The following CSMD1 variants were observed in gnomAD, a reference collection of about 807,000 sequenced individuals.
CSMD1 encodes the protein CUB and sushi domain-containing protein 1.
Under a neutral mutation model 417.5 loss-of-function variants are expected in CSMD1, and 213 were observed. The ratio of observed to expected loss-of-function variants is 0.51; its 90% CI spans 0.46 to 0.57. CSMD1 has a LOEUF of 0.57. Ranked by LOEUF, CSMD1 falls within the 20% of genes least tolerant of loss-of-function variation. The pLI is 0.00. For synonymous variants in CSMD1, 2,862 were observed against 1,736.8 expected (o/e 1.65, Z -16.11); for missense variants, 6,923 against 4,529.7 (o/e 1.53, Z -15.17).
chr8:3,997,786 A>AG, intron 5 of CSMD1, 117 bp downstream of exon 5: 1 of 877,928 alleles, frequency 1.1e-6, no homozygotes, highest in Non-Finnish European at 1.7e-6. Context: ...AGGCGAAAAA[A>AG]GGAACACACA....
intron 25 of CSMD1, among the ~76,000 whole-genome samples, chr8:3,299,972 C>G (rs759446429): frequency 6.6e-5 from 10 of 152,024 alleles, no homozygotes; most frequent in African/African-American, 2.2e-4. Flanking sequence ...AAATGCAGCT[C>G]TAGAAATTCA....
chr8:3,636,058 A>C (rs1177016186), intron 7 of CSMD1, among the ~76,000 whole-genome samples: 1 of 144,400 alleles, frequency 6.9e-6, no homozygotes, highest in South Asian at 2.3e-4. Context: ...TTACTCTATA[A>C]GCTTTTTCTA....
chr8:3,160,747 A>G (rs1375943329), intron 38 of CSMD1, among the ~76,000 whole-genome samples: 2 of 152,238 alleles, frequency 1.3e-5, no homozygotes, highest in Admixed American at 6.5e-5. Flanking sequence ...TATTTCACAG[A>G]TATTTTCTCT....
At chr8:3,935,506 G>A (rs1810429309) in intron 5 of CSMD1, among the ~76,000 whole-genome samples, 3 of 152,046 alleles carry the variant, frequency 2.0e-5, no homozygotes, top group South Asian at 2.1e-4. Flanking sequence ...CTCGTTTTTG[G>A]TGTCTGTGCC....
chr8:4,297,907 A>C (rs549448835), intron 3 of CSMD1, among the ~76,000 whole-genome samples: 19 of 152,350 alleles, frequency 1.2e-4, no homozygotes, highest in Admixed American at 3.3e-4. Flanking sequence ...AAAAGTATAT[A>C]ATCAGAAAGG....
chr8:4,752,223 T>C (rs1811377062), intron 1 of CSMD1, among the ~76,000 whole-genome samples: 1 of 152,192 alleles, frequency 6.6e-6, no homozygotes. Context: ...TATCATATCT[T>C]AATTTTTTTG....
In CSMD1 at chr8:2,955,696, T is replaced by A. The variant is rs1802951111; in HGVS notation, c.9887A>T (p.Tyr3296Phe). 2 of 1,613,846 alleles carry A rather than the reference T, an allele frequency of 1.2e-6. No homozygotes were observed. ...TGGATGGCAGGTGTACACTAAGGTG[T>A]AGCCGAAAGTAGGAAGATCGATGGC... The part of the protein sequence containing the change: ...VRAIDLPTFG[Y>F]TLVYTCHPGF... The change falls in exon 64 of 70, where the codon TAC becomes TTC. Residue 3296 changes from tyrosine (Y) to phenylalanine (F), a missense_variant. Tyr to Phe is a conservative substitution (Grantham distance 22). Transcript: ENST00000635120.
intron 1 of CSMD1, among the ~76,000 whole-genome samples, chr8:4,691,178 C>T (rs559699718): frequency 3.3e-5 from 5 of 152,302 alleles, no homozygotes; most frequent in East Asian, 1.9e-4. Context: ...AAGAATGTTA[C>T]CCAAAGAAAC....
chr8:3,230,617 A>C (rs770920992), intron 26 of CSMD1, among the ~76,000 whole-genome samples: 3 of 152,210 alleles, frequency 2.0e-5, no homozygotes, highest in Non-Finnish European at 2.9e-5. Context: ...ACCAACCTCA[A>C]GGAAAACAAA....
intron 5 of CSMD1, among the ~76,000 whole-genome samples, chr8:3,967,130 G>C (rs76563571): frequency 1.4e-4 from 21 of 151,628 alleles, no homozygotes; most frequent in Middle Eastern, 3.4e-3. Flanking sequence ...GACTAATTTT[G>C]TCTATTTGCA....
chr8:3,990,781 G>A (rs1814682424), intron 5 of CSMD1, among the ~76,000 whole-genome samples: 1 of 152,080 alleles, frequency 6.6e-6, no homozygotes, highest in Admixed American at 6.6e-5. Context: ...TCCCTTTCAT[G>A]AGGAAGGAGA....
chr8:3,099,630 T>A (rs1815587862), intron 46 of CSMD1, among the ~76,000 whole-genome samples: 2 of 152,208 alleles, frequency 1.3e-5, no homozygotes, highest in Admixed American at 1.3e-4. Flanking sequence ...CTTCAGGCCA[T>A]CTGGAAGTAA....
At chr8:4,780,675 G>A (rs1316141972) in intron 1 of CSMD1, among the ~76,000 whole-genome samples, 1 of 152,024 alleles carries the variant, frequency 6.6e-6, no homozygotes, top group East Asian at 1.9e-4. Flanking sequence ...TCACCCGAGT[G>A]GTATACACTG....
In CSMD1 at chr8:4,530,305, C is replaced by T. The variant is rs183351122; in HGVS notation, c.302+107037G>A. Among the ~76,000 whole-genome samples the T allele has an allele frequency of 1.8e-3, 174 of 95,332 alleles. 1 individual carries two copies. Among genetic ancestry groups the T allele is most frequent in the African/African-American group, 5.7e-3 (168 of 29,526 alleles). 62.5% of individuals were successfully genotyped at this position (95,332 alleles called of 152,430 possible). ...CAAATATTGTTCACAGTTTATCGTACAGGTAGTGCTTTTTTTTTTTTTTTT... is the reference window on the plus strand; with the variant it reads ...CAAATATTGTTCACAGTTTATCGTATAGGTAGTGCTTTTTTTTTTTTTTTT... On this transcript the variant is annotated intron_variant, in intron 2 of 69. Coordinates refer to ENST00000635120, the MANE Select transcript of CSMD1 (RefSeq NM_033225.6).
rs578041381 is a variant in CSMD1, at chr8:2,988,650, A to G, written c.8377+9361T>C. Among the ~76,000 whole-genome samples, 9 of 152,326 alleles carry G rather than the reference A, an allele frequency of 5.9e-5. No homozygotes were observed. In the East Asian group the frequency reaches 1.5e-3, roughly 26 times the overall value. On this transcript the variant is annotated intron_variant, in intron 54 of 69. Transcript: ENST00000635120. ...TTCTTATGACATCTTCAACTGTATA[A>G]ATTATTTCATCCAGAAAGATACTAC...
intron 26 of CSMD1, among the ~76,000 whole-genome samples, chr8:3,241,078 AGAG>A (rs1563175730): frequency 6.6e-6 from 1 of 150,762 alleles, no homozygotes; most frequent in African/African-American, 2.4e-5. Flanking sequence ...AGGGGATACA[AGAG>A]GAGGACGCAA....
intron 5 of CSMD1, among the ~76,000 whole-genome samples, chr8:3,755,990 G>C (rs751708533): frequency 6.6e-6 from 1 of 151,990 alleles, no homozygotes; most frequent in South Asian, 2.1e-4. Context: ...TACGGAGAAT[G>C]TCTAAAAAAC....
At chr8:3,146,504 C>A (rs2129033543) in intron 40 of CSMD1, among the ~76,000 whole-genome samples, 1 of 152,218 alleles carries the variant, frequency 6.6e-6, no homozygotes, top group African/African-American at 2.4e-5. Flanking sequence ...AATAAGGAAA[C>A]AAGTTTCAAA....
At chr8:4,153,885 T>C (rs1238964383) in intron 3 of CSMD1, among the ~76,000 whole-genome samples, 1 of 152,194 alleles carries the variant, frequency 6.6e-6, no homozygotes, top group East Asian at 1.9e-4. Context: ...GGCAGCAAAC[T>C]AACATCTCAG....
Sources: allele counts gnomAD v4.1 joint callset (sites outside exome capture counted in the v4.1 genomes callset), GRCh38; gene constraint gnomAD v4.1.1; transcripts MANE v1.5; gene names NCBI Gene and HGNC (gene_info 2026-07-23, HGNC 2026-07-21).